The following ADIG variants were observed in gnomAD, a reference collection of about 807,000 sequenced individuals.
ADIG encodes adipogenesis associated.
A neutral mutation model predicts 10.7 loss-of-function variants in ADIG; 12 were observed. The ratio of observed to expected loss-of-function variants is 1.12; its 90% CI spans 0.72 to 1.82. The LOEUF (loss-of-function observed/expected upper bound fraction) is 1.82, where lower values mean the gene tolerates loss of function less well. Ranked by LOEUF, ADIG falls within the 40% of genes most tolerant of loss-of-function variation. The probability of loss-of-function intolerance (pLI) is 0.00; values close to 1 mark genes in which losing one functional copy is unlikely to be tolerated. For missense variants in ADIG, 72 were observed against 92.5 expected (o/e 0.78, Z 0.91); for synonymous variants, 32 against 35.6 (o/e 0.90, Z 0.36).
chr20:38,584,932 C>T (rs548021808), intron 1 of ADIG, among the ~76,000 whole-genome samples: 5 of 152,328 alleles, frequency 3.3e-5, no homozygotes, highest in Admixed American at 3.3e-4. Flanking sequence ...TGCGCACCAC[C>T]ACGCCCAGCT....
chr20:38,581,508 A>C, intron 1 of ADIG, 134 bp downstream of exon 1: 2 of 1,314,314 alleles, frequency 1.5e-6, no homozygotes, highest in Non-Finnish European at 2.1e-6. Context: ...AGATACAAGC[A>C]GTCAACTCTT....
At chr20:38,582,937 C>T (rs977721549) in intron 1 of ADIG, among the ~76,000 whole-genome samples, 1 of 152,176 alleles carries the variant, frequency 6.6e-6, no homozygotes, top group African/African-American at 2.4e-5. Context: ...CCTGCCTCAG[C>T]CTCCCAAGTA....
chr20:38,584,873 G>C (rs1219449928), intron 1 of ADIG, among the ~76,000 whole-genome samples: 1 of 152,120 alleles, frequency 6.6e-6, no homozygotes, highest in African/African-American at 2.4e-5. Context: ...CGACTCCCTG[G>C]TTCAAGCGAT....
At chr20:38,587,761 G>A (rs1377709285) in intron 2 of ADIG, among the ~76,000 whole-genome samples, 23 of 143,912 alleles carry the variant, frequency 1.6e-4, no homozygotes, top group Non-Finnish European at 2.7e-4. Flanking sequence ...TTTTTGAGAC[G>A]GAGTCTTTCT....
intron 1 of ADIG, among the ~76,000 whole-genome samples, chr20:38,584,010 C>T (rs935411254): frequency 6.6e-6 from 1 of 152,140 alleles, no homozygotes; most frequent in Non-Finnish European, 1.5e-5. Flanking sequence ...GCTGCAGATC[C>T]CTTTATTGGA....
At chr20:38,582,603 CTGGCAAGAACT>C (rs1258872154) in intron 1 of ADIG, among the ~76,000 whole-genome samples, 1 of 152,154 alleles carries the variant, frequency 6.6e-6, no homozygotes, top group Non-Finnish European at 1.5e-5. Flanking sequence ...TTGGGAGTTC[CTGGCAAGAACT>C]TGGGATGTCC....
chr20:38,588,360 A>C lies in ADIG; in HGVS notation c.*274A>C, dbSNP rs1393073739. 13 of 1,297,770 alleles carry C rather than the reference A, an allele frequency of 1.0e-5. No homozygotes were observed. The highest frequency in any genetic ancestry group is 1.3e-5 in the Non-Finnish European group (13 of 985,508). 80.4% of individuals were successfully genotyped at this position (1,297,770 alleles called of 1,614,324 possible). A position where few individuals can be genotyped will look rare whatever the true frequency, so the allele number is the denominator to read the frequency against. ...GCAGGCCCATGGGGAGAAATTGGCC[A>C]ATTTAATTCAGAGGGGTCTTAAAGC... On this transcript the variant is annotated 3_prime_UTR_variant, in exon 3 of 3. Transcript: ENST00000537425.
At chr20:38,581,469 C>CAGTTGTTTAGGTGCTCA (rs1486364838) in intron 1 of ADIG, 95 bp downstream of exon 1, 17 of 1,534,222 alleles carry the variant, frequency 1.1e-5, no homozygotes, top group Non-Finnish European at 1.4e-5. Context: ...GCAGAAGGGG[C>CAGTTGTTTAGGTGCTCA]TTCCTTCAGT....
rs528920667 is a variant in ADIG, at chr20:38,586,016, C to T, written c.125-13C>T. The T allele has an allele frequency of 1.6e-5, 26 of 1,591,850 alleles. No individual in the cohort carries two copies. Among genetic ancestry groups the T allele is most frequent in the South Asian group, 1.1e-4 (10 of 87,006 alleles). On this transcript the variant is annotated splice_polypyrimidine_tract_variant and intron_variant, in intron 1 of 2. Transcript: ENST00000537425. Reference sequence around the variant, plus strand: ...TGTGACCATCCAAGAGGCCTTGCCTCGTATCTCCACAGATTCAGAGGAAAA... The same window carrying T: ...TGTGACCATCCAAGAGGCCTTGCCTTGTATCTCCACAGATTCAGAGGAAAA...
intron 2 of ADIG, chr20:38,586,371 C>A (rs2088636636): frequency 5.6e-6 from 3 of 535,462 alleles, no homozygotes; most frequent in Non-Finnish European, 1.0e-5. Flanking sequence ...CCCTGTGCCA[C>A]AAGGAGCCTT....
Position 38,588,189 on chromosome 20 carries a change from G to A in ADIG, c.*103G>A. 7.7e-7 allele frequency: 1 copy of A among 1,304,802 alleles called. No homozygotes were observed. Among genetic ancestry groups the A allele is most frequent in the Non-Finnish European group, 1.0e-6 (1 of 988,964 alleles). 80.8% of individuals were successfully genotyped at this position (1,304,802 alleles called of 1,614,324 possible). A position where few individuals can be genotyped will look rare whatever the true frequency, so the allele number is the denominator to read the frequency against. On this transcript the variant is annotated 3_prime_UTR_variant, in exon 3 of 3. Transcript: ENST00000537425. ...GGGAGGCAAGAGGACTTTGGCAACT[G>A]TGGTGCCTCCCTGGAACCCCCAACT...
chr20:38,581,502 A>T, intron 1 of ADIG, 128 bp downstream of exon 1: 2 of 1,349,870 alleles, frequency 1.5e-6, no homozygotes, highest in Non-Finnish European at 2.0e-6. Flanking sequence ...TCGCTTAGAT[A>T]CAAGCAGTCA....
intron 1 of ADIG, chr20:38,585,723 T>C: frequency 1.6e-6 from 1 of 631,530 alleles, no homozygotes; most frequent in Non-Finnish European, 2.7e-6. Context: ...TCAATAACTG[T>C]GTCTCTTCAC....
chr20:38,586,733 A>G (rs2088640954), intron 2 of ADIG, among the ~76,000 whole-genome samples: 1 of 152,066 alleles, frequency 6.6e-6, no homozygotes, highest in Non-Finnish European at 1.5e-5. Context: ...TATTATTATT[A>G]TTATTACAAT....
intron 1 of ADIG, chr20:38,585,614 C>T (rs889193279): frequency 2.6e-5 from 34 of 1,312,930 alleles, no homozygotes; most frequent in Non-Finnish European, 3.0e-5. Flanking sequence ...TTCGTGTGTG[C>T]GTGTTTCATC....
chr20:38,583,006 T>C (rs2088602171), intron 1 of ADIG, among the ~76,000 whole-genome samples: 1 of 151,930 alleles, frequency 6.6e-6, no homozygotes, highest in Non-Finnish European at 1.5e-5. Flanking sequence ...TTAGTAGAGA[T>C]GGGGTTTCAC....
intron 1 of ADIG, among the ~76,000 whole-genome samples, chr20:38,585,020 C>T (rs1189228658): frequency 6.6e-6 from 1 of 152,214 alleles, no homozygotes; most frequent in South Asian, 2.1e-4. Flanking sequence ...TCATGGTCAC[C>T]CGCCTTGGCC....
rs759146226 is a variant in ADIG, at chr20:38,588,161, C to A, written c.*75C>A. Reference sequence around the variant, plus strand: ...GGCAGAAGTGGATGGGAGAGACTTGCCAGGGAGGCAAGAGGACTTTGGCAA... The same window carrying A: ...GGCAGAAGTGGATGGGAGAGACTTGACAGGGAGGCAAGAGGACTTTGGCAA... On this transcript the variant is annotated 3_prime_UTR_variant, in exon 3 of 3. Transcript: ENST00000537425. 9 of 1,299,486 alleles carry A rather than the reference C, an allele frequency of 6.9e-6. No individual in the cohort carries two copies. Among genetic ancestry groups the A allele is most frequent in the Non-Finnish European group, 9.1e-6 (9 of 986,566 alleles). The allele number at this position is 1,299,486 out of a possible 1,614,324, so 80.5% of individuals were successfully genotyped here.
intron 1 of ADIG, among the ~76,000 whole-genome samples, chr20:38,581,658 C>A: frequency 6.8e-6 from 1 of 147,406 alleles, no homozygotes; most frequent in Non-Finnish European, 1.5e-5. Context: ...GAGTTTGAAC[C>A]TAGAGTTCGA....
Sources: allele counts gnomAD v4.1 joint callset (sites outside exome capture counted in the v4.1 genomes callset), GRCh38; gene constraint gnomAD v4.1.1; transcripts MANE v1.5; gene names NCBI Gene and HGNC (gene_info 2026-07-23, HGNC 2026-07-21).